Variants in CERT1 observed in about 807,000 individuals in gnomAD.
CERT1 encodes the protein ceramide transfer protein.
CERT1 carries 31 observed loss-of-function variants against 87.9 expected under a neutral mutation model. The ratio of observed to expected loss-of-function variants is 0.35; its 90% CI spans 0.27 to 0.48. The LOEUF (loss-of-function observed/expected upper bound fraction) is 0.48. CERT1 is among the 20% of genes least tolerant of loss of function. The pLI is 0.99. For synonymous variants in CERT1, 289 were observed against 250.9 expected (o/e 1.15, Z -1.44); for missense variants, 487 against 758.0 (o/e 0.64, Z 4.20).
chr5:75,502,973 A>C (rs1309424427), intron 2 of CERT1, among the ~76,000 whole-genome samples: 1 of 152,036 alleles, frequency 6.6e-6, no homozygotes, highest in African/African-American at 2.4e-5. Flanking sequence ...CTTTTTACAC[A>C]AAGTAAGGGA....
intron 2 of CERT1, among the ~76,000 whole-genome samples, chr5:75,501,622 A>G (rs953187653): frequency 6.6e-6 from 1 of 152,220 alleles, no homozygotes; most frequent in Non-Finnish European, 1.5e-5. Context: ...TACCCACAAT[A>G]TAATTTTAAA....
At chr5:75,490,000 G>A (rs531678628) in intron 2 of CERT1, among the ~76,000 whole-genome samples, 1 of 152,252 alleles carries the variant, frequency 6.6e-6, no homozygotes, top group East Asian at 1.9e-4. Flanking sequence ...TATACACCAT[G>A]GAATACTATG....
chr5:75,507,020 T>C (rs954956621), intron 1 of CERT1, among the ~76,000 whole-genome samples: 5 of 152,252 alleles, frequency 3.3e-5, no homozygotes, highest in African/African-American at 1.2e-4. Context: ...TAAAAATGGA[T>C]TGCCAAAATA....
At chr5:75,463,565 T>C (rs1765329610) in intron 2 of CERT1, among the ~76,000 whole-genome samples, 1 of 152,264 alleles carries the variant, frequency 6.6e-6, no homozygotes, top group South Asian at 2.1e-4. Context: ...GAGACATAAA[T>C]GTCCAAAAGA....
Position 75,414,811 on chromosome 5 carries a change from G to T in CERT1, c.837+2065C>A, listed in dbSNP as rs549210591. Among the ~76,000 whole-genome samples, 6 of 152,134 alleles carry T rather than the reference G, an allele frequency of 3.9e-5. No homozygotes were observed. In the South Asian group the frequency reaches 1.0e-3, roughly 26 times the overall value. On this transcript the variant is annotated intron_variant, in intron 7 of 16. Coordinates refer to ENST00000643780, the MANE Select transcript of CERT1 (RefSeq NM_001379029.1). Reference sequence around the variant, plus strand: ...ATCACCTATTTAATTGCTCTCATTAGATTTTAAGCCCCTTGAGAGACTATT... The same window carrying T: ...ATCACCTATTTAATTGCTCTCATTATATTTTAAGCCCCTTGAGAGACTATT...
At chr5:75,477,980 TA>T (rs1766047997) in intron 2 of CERT1, among the ~76,000 whole-genome samples, 1 of 152,126 alleles carries the variant, frequency 6.6e-6, no homozygotes, top group Non-Finnish European at 1.5e-5. Flanking sequence ...AAACCCCACT[TA>T]AAAGATAAAA....
chr5:75,403,450 ATTAAAAG>A (rs1762580015), intron 8 of CERT1, among the ~76,000 whole-genome samples: 1 of 152,256 alleles, frequency 6.6e-6, no homozygotes, highest in South Asian at 2.1e-4. Context: ...ATTACTTGAA[ATTAAAAG>A]TTTGGTGTCC....
Position 75,499,639 on chromosome 5 carries a change from T to C in CERT1, c.231+6343A>G, listed in dbSNP as rs138878279. On this transcript the variant is annotated intron_variant, in intron 2 of 16. Coordinates refer to ENST00000643780, the MANE Select transcript of CERT1 (RefSeq NM_001379029.1). ...ATGAGAATGGACTAATACACACAGT[T>C]AAGGTCTGAACCCAGATTTGACTTC... Among the ~76,000 whole-genome samples the C allele has an allele frequency of 8.5e-5, 13 of 152,320 alleles. No homozygotes were observed. The East Asian group carries it at 2.5e-3, about 29-fold the overall frequency.
chr5:75,396,337 T>TA (rs1762252582), intron 11 of CERT1, among the ~76,000 whole-genome samples: 1 of 152,238 alleles, frequency 6.6e-6, no homozygotes, highest in African/African-American at 2.4e-5. Context: ...AATGTCGACT[T>TA]AGTTTTTTAA....
chr5:75,478,486 G>A (rs895084435), intron 2 of CERT1, among the ~76,000 whole-genome samples: 2 of 152,048 alleles, frequency 1.3e-5, no homozygotes, highest in Admixed American at 1.3e-4. Context: ...TCTTATTTGT[G>A]TCAAAGAACC....
At chr5:75,404,098 A>T (rs927450442) in intron 8 of CERT1, among the ~76,000 whole-genome samples, 3 of 152,160 alleles carry the variant, frequency 2.0e-5, no homozygotes, top group African/African-American at 7.2e-5. Context: ...AGTTAAACTC[A>T]TAACCCCAAG....
intron 4 of CERT1, 78 bp from the exon 5 acceptor site, chr5:75,425,577 A>G (rs1195701261): frequency 6.9e-7 from 1 of 1,439,186 alleles, no homozygotes; most frequent in South Asian, 1.3e-5. Flanking sequence ...TATTTCATCA[A>G]CTTTTAAGGT....
intron 2 of CERT1, 58 bp downstream of exon 2, chr5:75,505,924 C>T: frequency 7.2e-7 from 1 of 1,379,486 alleles, no homozygotes; most frequent in Admixed American, 1.7e-5. Flanking sequence ...AGAACAGTTC[C>T]TGGTATGTAG....
At position 75,509,490 on chromosome 5, in the gene CERT1, T is replaced by G. The variant is rs1767811344; in HGVS notation, c.96+1622A>C. 1.3e-5 allele frequency among the ~76,000 whole-genome samples: 2 copies of G among 152,154 alleles called. 1 individual carries two copies. The highest frequency in any genetic ancestry group is 4.1e-4 in the South Asian group (2 of 4,830). ...CTACATATGCAGCAACAGTCAAAAT[T>G]TAAGCTATTCACCTTCCATAGAGGT... On this transcript the variant is annotated intron_variant, in intron 1 of 16. Coordinates refer to ENST00000643780, the MANE Select transcript of CERT1 (RefSeq NM_001379029.1).
At chr5:75,471,602 TA>T (rs1208763314) in intron 2 of CERT1, among the ~76,000 whole-genome samples, 1 of 150,944 alleles carries the variant, frequency 6.6e-6, no homozygotes, top group Non-Finnish European at 1.5e-5. Flanking sequence ...CTACTGAAAA[TA>T]AAAATATTAG....
At chr5:75,408,223 T>C (rs1008067860) in intron 8 of CERT1, among the ~76,000 whole-genome samples, 1 of 152,182 alleles carries the variant, frequency 6.6e-6, no homozygotes, top group African/African-American at 2.4e-5. Flanking sequence ...GTAATCACTC[T>C]AGCACTTTAC....
intron 3 of CERT1, among the ~76,000 whole-genome samples, chr5:75,432,090 C>T (rs1763894165): frequency 1.4e-5 from 2 of 145,318 alleles, no homozygotes; most frequent in Admixed American, 1.4e-4. Context: ...CTTGCTCTGT[C>T]ACCCAGGCTG....
At chr5:75,508,788 G>A (rs1461921952) in intron 1 of CERT1, among the ~76,000 whole-genome samples, 1 of 152,152 alleles carries the variant, frequency 6.6e-6, no homozygotes, top group African/African-American at 2.4e-5. Context: ...AGGCTTTATG[G>A]AAAGGACAGT....
chr5:75,389,659 G>C lies in CERT1; in HGVS notation c.1217C>G (p.Thr406Ser). The change falls in exon 12 of 17, where the codon ACT becomes AGT. Residue 406 changes from threonine to serine, a missense_variant. Around this residue, in one of 8 missense-constraint regions of CERT1, gnomAD observed 91 missense variants for 86.7 expected, o/e 1.05. Transcript: ENST00000643780. The part of the protein sequence containing the change: ...QVEEMVQNHM[T>S]YSLQDVGGDA... ...TCCGCCTACATCCTGTAATGAGTAA[G>C]TCATGTGGTTCTGCACCATCTCTTC... 6.2e-7 allele frequency: 1 copy of C among 1,614,044 alleles called. No homozygotes were observed. Among genetic ancestry groups the C allele is most frequent in the Middle Eastern group, 1.7e-4 (1 of 6,058 alleles).
Sources: gnomAD v4.1 joint callset for allele counts (sites outside exome capture counted in the v4.1 genomes callset) on GRCh38, gnomAD v4.1.1 for gene constraint, gnomAD v4.1.1 regional missense constraint, MANE v1.5 for transcripts, NCBI Gene and HGNC (gene_info 2026-07-23, HGNC 2026-07-21) for gene names.